CCDC91: variants seen among roughly 807,000 people sequenced by gnomAD.
The protein encoded by CCDC91 is coiled-coil domain containing 91.
In CCDC91, 48 loss-of-function variants were observed where a neutral mutation model predicts 63.2. The observed-to-expected ratio is 0.76, with a 90% CI of 0.60 to 0.97. The LOEUF is 0.97. Among genes scored for constraint, CCDC91 ranks in the 50% least tolerant of loss-of-function variants. CCDC91 has a pLI of 0.00. For synonymous variants in CCDC91, 167 were observed against 165.8 expected (o/e 1.01, Z -0.06); for missense variants, 500 against 494.6 (o/e 1.01, Z -0.10).
At chr12:28,497,104 A>T (rs1952344367) in intron 12 of CCDC91, among the ~76,000 whole-genome samples, 1 of 151,200 alleles carries the variant, frequency 6.6e-6, no homozygotes, top group African/African-American at 2.4e-5. Flanking sequence ...TTACTAAAAA[A>T]AGAGCTTAAA....
intron 6 of CCDC91, among the ~76,000 whole-genome samples, chr12:28,321,840 T>C (rs915534705): frequency 2.0e-5 from 3 of 151,854 alleles, no homozygotes; most frequent in Admixed American, 6.6e-5. Context: ...AGTATAGCTG[T>C]TTTATATTTA....
At chr12:28,429,054 G>A (rs1948489021) in intron 8 of CCDC91, among the ~76,000 whole-genome samples, 1 of 152,132 alleles carries the variant, frequency 6.6e-6, no homozygotes, top group Admixed American at 6.6e-5. Flanking sequence ...TATTTCCCAA[G>A]GTGGTTTTGG....
At chr12:28,346,722 C>T (rs2138132050) in intron 6 of CCDC91, among the ~76,000 whole-genome samples, 1 of 152,302 alleles carries the variant, frequency 6.6e-6, no homozygotes, top group Middle Eastern at 3.4e-3. Context: ...CTCCAGGAAC[C>T]TTCATGTGTC....
chr12:28,371,314 A>G (rs1478504671), intron 7 of CCDC91, among the ~76,000 whole-genome samples: 2 of 152,064 alleles, frequency 1.3e-5, no homozygotes, highest in Non-Finnish European at 2.9e-5. Flanking sequence ...GCAAAACCTT[A>G]TGGTGAACTG....
At chr12:28,467,209 T>G (rs944967072) in intron 11 of CCDC91, among the ~76,000 whole-genome samples, 3 of 152,018 alleles carry the variant, frequency 2.0e-5, no homozygotes, top group Admixed American at 2.0e-4. Context: ...CTTGATCTGT[T>G]GCCTATAAGA....
chr12:28,234,434 T>TA (rs1248753158), intron 1 of CCDC91, among the ~76,000 whole-genome samples: 1 of 152,210 alleles, frequency 6.6e-6, no homozygotes, highest in African/African-American at 2.4e-5. Flanking sequence ...ATCAAACTGT[T>TA]ACAAATAGTC....
intron 12 of CCDC91, among the ~76,000 whole-genome samples, chr12:28,502,374 A>T (rs1296092985): frequency 6.6e-6 from 1 of 152,000 alleles, no homozygotes; most frequent in Non-Finnish European, 1.5e-5. Flanking sequence ...CCAACTTACA[A>T]GGGATGTGAA....
At chr12:28,322,838 A>G (rs1378069580) in intron 6 of CCDC91, among the ~76,000 whole-genome samples, 1 of 151,768 alleles carries the variant, frequency 6.6e-6, no homozygotes, top group Non-Finnish European at 1.5e-5. Context: ...GTTTTACCAT[A>G]TCCTTGCCTA....
chr12:28,288,497 AT>A (rs71039890), intron 3 of CCDC91, among the ~76,000 whole-genome samples: 103,225 of 151,934 alleles, frequency 0.68, 35,739 homozygotes, highest in East Asian at 0.95. Flanking sequence ...GTGATGAATC[AT>A]ATTTATTAAT....
intron 3 of CCDC91, among the ~76,000 whole-genome samples, chr12:28,268,134 G>A (rs2136325955): frequency 6.7e-6 from 1 of 150,350 alleles, no homozygotes. Flanking sequence ...CACAATCTTG[G>A]CTCACTGCAA....
intron 8 of CCDC91, among the ~76,000 whole-genome samples, chr12:28,404,083 A>C (rs1946789474): frequency 6.6e-6 from 1 of 151,660 alleles, no homozygotes. Flanking sequence ...ACTCTTGTTT[A>C]CTTATTTCCA....
rs752319980 is a variant in CCDC91 at position 28,291,511 on chromosome 12, T to C, written c.110-14138T>C. 2.0e-4 allele frequency among the ~76,000 whole-genome samples: 31 copies of C among 152,186 alleles called. 1 individual carries two copies. Among genetic ancestry groups the C allele is most frequent in the Admixed American group, 2.6e-4 (4 of 15,280 alleles). On this transcript the variant is annotated intron_variant, in intron 3 of 12. Transcript: ENST00000536442. ...GTGGTTTTGCTGAGATTCAGAAAGCTGTTGTGGATCATACCAGCATCAGAC... is the reference window on the plus strand; with the variant it reads ...GTGGTTTTGCTGAGATTCAGAAAGCCGTTGTGGATCATACCAGCATCAGAC...
intron 8 of CCDC91, among the ~76,000 whole-genome samples, chr12:28,421,571 T>A (rs185229431): frequency 2.6e-5 from 4 of 152,142 alleles, no homozygotes; most frequent in African/African-American, 9.6e-5. Context: ...TCTTTCTTTT[T>A]TATGGCTGCA....
intron 3 of CCDC91, among the ~76,000 whole-genome samples, chr12:28,269,095 C>T (rs1020778288): frequency 1.3e-5 from 2 of 152,128 alleles, no homozygotes; most frequent in Non-Finnish European, 2.9e-5. Flanking sequence ...TGTCTCTGTA[C>T]TGATGCCCGT....
At chr12:28,395,894 C>T (rs963386354) in intron 8 of CCDC91, among the ~76,000 whole-genome samples, 19 of 152,138 alleles carry the variant, frequency 1.2e-4, no homozygotes, top group Non-Finnish European at 2.8e-4. Context: ...CAGTGTATTT[C>T]TTAGTGTATC....
intron 3 of CCDC91, among the ~76,000 whole-genome samples, chr12:28,294,969 G>T (rs1425973637): frequency 6.6e-6 from 1 of 152,144 alleles, no homozygotes; most frequent in Non-Finnish European, 1.5e-5. Flanking sequence ...TGTAAAAAAA[G>T]ATATTTTAAA....
Position 28,495,997 on chromosome 12 carries a change from C to T in CCDC91, c.1215+11832C>T, listed in dbSNP as rs114315560. Among the ~76,000 whole-genome samples, 859 of 151,678 alleles carry T rather than the reference C, an allele frequency of 5.7e-3. 8 individuals are homozygous for T. Among genetic ancestry groups the T allele is most frequent in the African/African-American group, 0.02 (822 of 41,438 alleles). ...CAGAACCAGGTAACTAAAATCTTTC[C>T]GATTTTCCTGAGGTTATATTGTCTT... On this transcript the variant is annotated intron_variant, in intron 12 of 12. Transcript: ENST00000536442.
At chr12:28,275,286 A>T (rs1317772687) in intron 3 of CCDC91, among the ~76,000 whole-genome samples, 6 of 152,164 alleles carry the variant, frequency 3.9e-5, no homozygotes, top group Non-Finnish European at 7.4e-5. Context: ...GATAAAGGGG[A>T]TATCACCACC....
chr12:28,432,297 G>A (rs555010886), intron 8 of CCDC91, among the ~76,000 whole-genome samples: 134 of 152,062 alleles, frequency 8.8e-4, no homozygotes, highest in African/African-American at 2.6e-3. Flanking sequence ...ATCTCATCTC[G>A]AATTGTAATT....
Sources: allele counts gnomAD v4.1 joint callset (sites outside exome capture counted in the v4.1 genomes callset), GRCh38; gene constraint gnomAD v4.1.1; transcripts MANE v1.5; gene names NCBI Gene and HGNC (gene_info 2026-07-23, HGNC 2026-07-21).